The following PRDM6 variants were observed in gnomAD, a reference collection of about 807,000 sequenced individuals.
PRDM6 encodes PR/SET domain 6.
Under a neutral mutation model 60.8 loss-of-function variants are expected in PRDM6, and 25 were observed. The observed-to-expected ratio is 0.41, with a 90% confidence interval of 0.30 to 0.57. The LOEUF is 0.57. Ranked by LOEUF, PRDM6 falls within the 20% of genes least tolerant of loss-of-function variation. The pLI is 0.27. For missense variants in PRDM6, 839 were observed against 821.3 expected, an observed-to-expected ratio of 1.02 and a Z score of -0.26; for synonymous variants, 407 against 357.4, an observed-to-expected ratio of 1.14 and a Z score of -1.57.
Position 123,090,483 on chromosome 5 carries a change from G to T in PRDM6, c.469G>T (p.Gly157Cys). ...PVKCGGGGGGGGEGRGAPRFR... is the reference protein window; with the variant it reads ...PVKCGGGGGGCGEGRGAPRFR... Reference sequence around the variant, plus strand: ...CAAGTGCGGTGGTGGTGGCGGCGGCGGCGGGGAGGGTCGCGGCGCCCCGCG... The same window carrying T: ...CAAGTGCGGTGGTGGTGGCGGCGGCTGCGGGGAGGGTCGCGGCGCCCCGCG... The change falls in exon 2 of 8, where the codon GGC (glycine) becomes TGC (cysteine). Residue 157 changes from glycine (G) to cysteine (C), a missense_variant. Gly to Cys is a radical substitution (Grantham distance 159, BLOSUM62 -3). This residue lies in a region of PRDM6 where 730 missense variants were observed against 648.8 expected (regional missense o/e 1.13). Transcript: ENST00000407847. The T allele has an allele frequency of 6.7e-7, 1 of 1,485,568 alleles. No individual in the cohort carries two copies. Among genetic ancestry groups the T allele is most frequent in the Non-Finnish European group, 8.9e-7 (1 of 1,126,488 alleles). 92.0% of individuals were successfully genotyped at this position (1,485,568 alleles called of 1,614,324 possible).
intron 3 of PRDM6, among the ~76,000 whole-genome samples, chr5:123,132,553 C>T (rs1274901463): frequency 6.6e-6 from 1 of 152,092 alleles, no homozygotes; most frequent in Non-Finnish European, 1.5e-5. Flanking sequence ...GAAGCACTCT[C>T]CAAGTGTGTT....
chr5:123,133,829 C>T (rs886832917), intron 3 of PRDM6, among the ~76,000 whole-genome samples: 2 of 136,066 alleles, frequency 1.5e-5, no homozygotes, highest in African/African-American at 2.7e-5. Flanking sequence ...GTTTATCAAT[C>T]AAAAAAAAAA....
At chr5:123,158,589 T>C (rs73799832) in intron 4 of PRDM6, among the ~76,000 whole-genome samples, 11,480 of 152,286 alleles carry the variant, frequency 0.075, 472 homozygotes, top group African/African-American at 0.094. Flanking sequence ...AGAGCCACTT[T>C]GTGGTGACAA....
chr5:123,125,656 A>G (rs1764678069), intron 3 of PRDM6, among the ~76,000 whole-genome samples: 1 of 152,222 alleles, frequency 6.6e-6, no homozygotes, highest in Non-Finnish European at 1.5e-5. Flanking sequence ...AGGATTAAGG[A>G]AGAAGTTACC....
At chr5:123,185,703 C>T (rs1244728794) in intron 7 of PRDM6, among the ~76,000 whole-genome samples, 1 of 152,188 alleles carries the variant, frequency 6.6e-6, no homozygotes, top group Non-Finnish European at 1.5e-5. Flanking sequence ...CCTGAAAAAT[C>T]CAAATGCGAA....
At chr5:123,138,288 G>T (rs1765014416) in intron 3 of PRDM6, among the ~76,000 whole-genome samples, 1 of 152,168 alleles carries the variant, frequency 6.6e-6, no homozygotes, top group Admixed American at 6.5e-5. Flanking sequence ...GTAGTTGTTG[G>T]CAATTGTACC....
intron 3 of PRDM6, among the ~76,000 whole-genome samples, chr5:123,136,360 C>A (rs751989577): frequency 6.6e-6 from 1 of 151,894 alleles, no homozygotes. Flanking sequence ...TCATGTTGGC[C>A]GAGAACTGCT....
chr5:123,132,650 C>G (rs1201439426), intron 3 of PRDM6, among the ~76,000 whole-genome samples: 1 of 152,068 alleles, frequency 6.6e-6, no homozygotes, highest in African/African-American at 2.4e-5. Flanking sequence ...TGTGCCTACA[C>G]AAGATAATTT....
intron 6 of PRDM6, among the ~76,000 whole-genome samples, chr5:123,178,168 A>G (rs1415684173): frequency 6.6e-6 from 1 of 152,170 alleles, no homozygotes; most frequent in Non-Finnish European, 1.5e-5. Context: ...ACTGTGAGAA[A>G]TAAATCACCC....
intron 3 of PRDM6, among the ~76,000 whole-genome samples, chr5:123,116,638 AAAATT>A (rs1238819597): frequency 1.3e-5 from 2 of 152,320 alleles, no homozygotes; most frequent in East Asian, 3.9e-4. Context: ...AGTGAAAAAA[AAAATT>A]ATTTTTCTGT....
rs201339136 is a variant in PRDM6, at chr5:123,155,980, G to A, written c.997G>A (p.Gly333Arg). The change falls in exon 4 of 8, where the codon GGA becomes AGA. Residue 333 changes from glycine to arginine, a missense_variant. Around this residue, in one of 2 missense-constraint regions of PRDM6, gnomAD observed 730 missense variants for 648.8 expected, o/e 1.13. Coordinates refer to ENST00000407847, the MANE Select transcript of PRDM6 (RefSeq NM_001136239.4). ...GTATATCCGATGTGCAAGGCACTGCGGAGAACAGAATCTAACAGTAGTTCA... is the reference window on the plus strand; with the variant it reads ...GTATATCCGATGTGCAAGGCACTGCAGAGAACAGAATCTAACAGTAGTTCA... ...MRYIRCARHCGEQNLTVVQYR... is the reference protein window; with the variant it reads ...MRYIRCARHCREQNLTVVQYR... 356 of 1,551,608 alleles carry A rather than the reference G, an allele frequency of 2.3e-4. 2 individuals are homozygous for A. Among genetic ancestry groups the A allele is most frequent in the Middle Eastern group, 1.7e-4 (1 of 5,992 alleles).
chr5:123,100,024 G>A, intron 3 of PRDM6, 63 bp downstream of exon 3: 1 of 1,428,230 alleles, frequency 7.0e-7, no homozygotes, highest in Non-Finnish European at 9.3e-7. Flanking sequence ...AGGGAGCCTT[G>A]GCCGGCAGGG....
At chr5:123,123,843 G>C (rs1403392316) in intron 3 of PRDM6, among the ~76,000 whole-genome samples, 2 of 152,094 alleles carry the variant, frequency 1.3e-5, no homozygotes, top group African/African-American at 4.8e-5. Flanking sequence ...GAGTTCTATG[G>C]GCTCTCGTTA....
chr5:123,158,814 C>T (rs193062652), intron 4 of PRDM6, among the ~76,000 whole-genome samples: 264 of 152,146 alleles, frequency 1.7e-3, no homozygotes, highest in African/African-American at 6.2e-3. Context: ...CAGTCTCAGT[C>T]TCCTCATTTT....
intron 3 of PRDM6, among the ~76,000 whole-genome samples, chr5:123,105,115 T>C (rs1417166798): frequency 6.6e-6 from 1 of 152,256 alleles, no homozygotes; most frequent in Non-Finnish European, 1.5e-5. Context: ...CACCGGATTA[T>C]TTTTCTCATT....
At chr5:123,166,475 CT>C (rs1415414983) in intron 5 of PRDM6, among the ~76,000 whole-genome samples, 4 of 151,532 alleles carry the variant, frequency 2.6e-5, no homozygotes, top group Non-Finnish European at 5.9e-5. Context: ...TTTAATCTTT[CT>C]GAAACTGGCA....
At chr5:123,101,236 C>T (rs1048395992) in intron 3 of PRDM6, among the ~76,000 whole-genome samples, 5 of 152,060 alleles carry the variant, frequency 3.3e-5, no homozygotes, top group Non-Finnish European at 5.9e-5. Flanking sequence ...ACCTGGTATC[C>T]GGAACCCTCC....
At chr5:123,185,475 A>G (rs1766265637) in intron 7 of PRDM6, among the ~76,000 whole-genome samples, 1 of 152,158 alleles carries the variant, frequency 6.6e-6, no homozygotes, top group African/African-American at 2.4e-5. Flanking sequence ...TGAGCTGCCC[A>G]CGGACGTTAA....
At chr5:123,164,237 G>A (rs1209823093) in intron 5 of PRDM6, among the ~76,000 whole-genome samples, 3 of 152,174 alleles carry the variant, frequency 2.0e-5, no homozygotes, top group Admixed American at 6.5e-5. Flanking sequence ...GCTTGAGCTC[G>A]GGGCTGTCAG....
Sources: gnomAD v4.1 joint callset for allele counts (sites outside exome capture counted in the v4.1 genomes callset) on GRCh38, gnomAD v4.1.1 for gene constraint, gnomAD v4.1.1 regional missense constraint, MANE v1.5 for transcripts, NCBI Gene and HGNC (gene_info 2026-07-23, HGNC 2026-07-21) for gene names.